The following AGBL1 variants were observed in gnomAD, a reference collection of about 807,000 sequenced individuals.
AGBL1 encodes cytosolic carboxypeptidase 4.
In AGBL1, 130 loss-of-function variants were observed where a neutral mutation model predicts 118.9. That is an observed-to-expected ratio of 1.09 (90% CI 0.95 to 1.26). The LOEUF (loss-of-function observed/expected upper bound fraction) is 1.26. AGBL1 is among the 50% of genes most tolerant of loss of function. The pLI, the probability that AGBL1 is intolerant of heterozygous loss-of-function variation, is 0.00. For synonymous variants in AGBL1, 555 were observed against 478.9 expected (o/e 1.16, Z -2.08); for missense variants, 1,584 against 1,298.1 (o/e 1.22, Z -3.38).
At chr15:86,755,246 A>G (rs149727088) in intron 22 of AGBL1, among the ~76,000 whole-genome samples, 4,774 of 152,194 alleles carry the variant, frequency 0.031, 100 homozygotes, top group Middle Eastern at 0.061. Flanking sequence ...TGCTGGTTCA[A>G]CCCATCCCTG....
intron 21 of AGBL1, among the ~76,000 whole-genome samples, chr15:86,574,471 C>G (rs1313103333): frequency 6.6e-6 from 1 of 151,866 alleles, no homozygotes; most frequent in Non-Finnish European, 1.5e-5. Flanking sequence ...CTGGTGGCAC[C>G]TAAGGCAAAG....
rs1442493245 is a variant in AGBL1 at position 86,987,218 on chromosome 15, C to T, written c.3222-769C>T. Among the ~76,000 whole-genome samples the T allele has an allele frequency of 5.3e-5, 8 of 152,258 alleles. No individual in the cohort carries two copies. In the South Asian group the frequency reaches 1.5e-3, roughly 28 times the overall value. On this transcript the variant is annotated intron_variant, in intron 23 of 24. Transcript: ENST00000441037. ...CATCTGGATGTATAGGTGCAGGTCA[C>T]AGGGGATATGATGGCTTAGCTTGGG...
At chr15:86,981,508 G>A (rs940254973) in intron 23 of AGBL1, among the ~76,000 whole-genome samples, 5 of 152,074 alleles carry the variant, frequency 3.3e-5, no homozygotes, top group African/African-American at 1.2e-4. Context: ...TGAGTATTTT[G>A]TTCATGATCT....
chr15:86,104,188 A>AG (rs1210737393), intron 1 of AGBL1, among the ~76,000 whole-genome samples: 1 of 151,976 alleles, frequency 6.6e-6, no homozygotes, highest in African/African-American at 2.4e-5. Context: ...GGTATTGGGG[A>AG]GGATAAAGAT....
intron 21 of AGBL1, among the ~76,000 whole-genome samples, chr15:86,628,573 G>T (rs1280663039): frequency 6.6e-6 from 1 of 152,064 alleles, no homozygotes; most frequent in Non-Finnish European, 1.5e-5. Flanking sequence ...GAGGTGGGTG[G>T]ATCAGGAGGC....
chr15:86,588,329 C>A (rs964476855), intron 21 of AGBL1, among the ~76,000 whole-genome samples: 2 of 152,176 alleles, frequency 1.3e-5, no homozygotes, highest in Non-Finnish European at 2.9e-5. Context: ...CACAGTTGAT[C>A]TCCTCCAGTT....
rs1402646329 is a variant in AGBL1, at chr15:86,264,384, C to A, written c.1213C>A (p.Gln405Lys). 9 of 1,613,730 alleles carry A rather than the reference C, an allele frequency of 5.6e-6. No individual in the cohort carries two copies. The highest frequency in any genetic ancestry group is 6.8e-6 in the Non-Finnish European group (8 of 1,179,838). The change falls in exon 11 of 23, where the codon CAA becomes AAA. Residue 405 changes from glutamine (Q) to lysine (K), a missense_variant. Gln to Lys is a moderately conservative substitution (Grantham distance 53, BLOSUM62 1). Transcript: ENST00000614907. ...CAGCAAGGACCAAAGCTCCTGTGGGCAAGAAAGAGAATATGCTGTCCAGAC... is the reference window on the plus strand; with the variant it reads ...CAGCAAGGACCAAAGCTCCTGTGGGAAAGAAAGAGAATATGCTGTCCAGAC... Reference protein sequence around the residue: ...CYSKDQSSCGQEREYAVQTSL... With the variant: ...CYSKDQSSCGKEREYAVQTSL...
chr15:86,082,794 C>T (rs1046692695), intron 1 of AGBL1, among the ~76,000 whole-genome samples: 19 of 152,180 alleles, frequency 1.2e-4, no homozygotes, highest in Non-Finnish European at 5.9e-5. Context: ...CTGGCCTTTA[C>T]AGCGTGGGTG....
chr15:86,169,371 G>A (rs2077384232), intron 5 of AGBL1, among the ~76,000 whole-genome samples: 2 of 152,190 alleles, frequency 1.3e-5, no homozygotes, highest in Admixed American at 6.5e-5. Flanking sequence ...CACACACACA[G>A]GACTGGAAGT....
intron 22 of AGBL1, among the ~76,000 whole-genome samples, chr15:86,869,307 G>A (rs1370490311): frequency 6.6e-6 from 1 of 152,030 alleles, no homozygotes; most frequent in East Asian, 1.9e-4. Context: ...ACCCCTGAAT[G>A]CACAATGGCA....
At chr15:86,883,048 G>A (rs2079918041) in intron 22 of AGBL1, among the ~76,000 whole-genome samples, 1 of 152,114 alleles carries the variant, frequency 6.6e-6, no homozygotes, top group Non-Finnish European at 1.5e-5. Flanking sequence ...TTTACTTTAT[G>A]AGAAAATATT....
chr15:86,971,216 G>A (rs1268714278), intron 23 of AGBL1, among the ~76,000 whole-genome samples: 1 of 152,004 alleles, frequency 6.6e-6, no homozygotes, highest in Non-Finnish European at 1.5e-5. Flanking sequence ...TGGGAAAACT[G>A]TACTGTCATA....
At chr15:86,178,786 A>C (rs539953936) in intron 5 of AGBL1, among the ~76,000 whole-genome samples, 2 of 152,350 alleles carry the variant, frequency 1.3e-5, no homozygotes, top group African/African-American at 4.8e-5. Context: ...ACAAAGAAGG[A>C]AAACTTCCAA....
intron 22 of AGBL1, among the ~76,000 whole-genome samples, chr15:86,837,497 C>T (rs530627977): frequency 2.0e-5 from 3 of 152,260 alleles, no homozygotes; most frequent in East Asian, 3.9e-4. Context: ...TATGGCTTCT[C>T]TTGTGTCAAA....
chr15:86,898,575 T>C (rs2080166229), intron 22 of AGBL1, among the ~76,000 whole-genome samples: 1 of 152,160 alleles, frequency 6.6e-6, no homozygotes, highest in South Asian at 2.1e-4. Flanking sequence ...TAACAGCTTC[T>C]GCAGAGCAAA....
At chr15:86,955,524 G>C (rs1316405576) in intron 23 of AGBL1, among the ~76,000 whole-genome samples, 1 of 151,912 alleles carries the variant, frequency 6.6e-6, no homozygotes, top group Non-Finnish European at 1.5e-5. Context: ...GAACAGAATA[G>C]AGAAAGAAAT....
intron 23 of AGBL1, among the ~76,000 whole-genome samples, chr15:86,969,590 T>C (rs2081087438): frequency 6.6e-6 from 1 of 152,072 alleles, no homozygotes; most frequent in Non-Finnish European, 1.5e-5. Context: ...TTTGTGTGAC[T>C]ATTTGCGTGG....
chr15:86,120,432 G>C (rs1898026831), intron 1 of AGBL1, among the ~76,000 whole-genome samples: 1 of 152,118 alleles, frequency 6.6e-6, no homozygotes, highest in Admixed American at 6.6e-5. Flanking sequence ...TCCCCTCCTG[G>C]AGACACTTTG....
At chr15:86,549,423 A>G (rs971635816) in intron 20 of AGBL1, among the ~76,000 whole-genome samples, 1 of 152,194 alleles carries the variant, frequency 6.6e-6, no homozygotes, top group Non-Finnish European at 1.5e-5. Context: ...AATTTAAATA[A>G]GAATGTAGAA....
Sources: gnomAD v4.1 joint callset for allele counts (sites outside exome capture counted in the v4.1 genomes callset) on GRCh38, gnomAD v4.1.1 for gene constraint, MANE v1.5 for transcripts, NCBI Gene and HGNC (gene_info 2026-07-23, HGNC 2026-07-21) for gene names.